PTTG1: variants seen among roughly 807,000 people sequenced by gnomAD.
PTTG1 encodes securin.
A neutral mutation model predicts 20.0 loss-of-function variants in PTTG1; 8 were observed. The ratio of observed to expected loss-of-function variants is 0.40; its 90% CI spans 0.23 to 0.72. The LOEUF (loss-of-function observed/expected upper bound fraction) is 0.72, where lower values mean the gene tolerates loss of function less well. PTTG1 is among the 30% of genes least tolerant of loss of function. PTTG1 has a pLI of 0.38. For synonymous variants in PTTG1, 79 were observed against 87.2 expected (o/e 0.91, Z 0.52); for missense variants, 197 against 236.0 (o/e 0.83, Z 1.08).
Position 160,422,952 on chromosome 5 carries a change from G to A in PTTG1, c.276+59G>A, listed in dbSNP as rs1765744261. 21 of 1,545,544 alleles carry A rather than the reference G, an allele frequency of 1.4e-5. 1 individual carries two copies. The South Asian group carries it at 2.4e-4, about 18-fold the overall frequency. On this transcript the variant is annotated intron_variant, in intron 3 of 5. Coordinates refer to ENST00000352433, the MANE Select transcript of PTTG1 (RefSeq NM_004219.4). ...CTTAAGCACTTTTGACTCTTAAAAT[G>A]ACTATTGGCATCATCCTACGTAGCT...
intron 3 of PTTG1, among the ~76,000 whole-genome samples, chr5:160,423,620 C>T (rs573750907): frequency 6.6e-6 from 1 of 152,236 alleles, no homozygotes; most frequent in South Asian, 2.1e-4. Context: ...AGACACAGAA[C>T]CGAAGTGTGA....
At chr5:160,428,246 C>T (rs575080873) in intron 5 of PTTG1, among the ~76,000 whole-genome samples, 1 of 152,310 alleles carries the variant, frequency 6.6e-6, no homozygotes, top group South Asian at 2.1e-4. Context: ...ACAATAACTT[C>T]TTACTGCAGA....
At chr5:160,428,001 A>C in intron 5 of PTTG1, 128 bp downstream of exon 5, 2 of 1,191,840 alleles carry the variant, frequency 1.7e-6, no homozygotes, top group South Asian at 1.5e-5. Context: ...GACAAGGATT[A>C]GTTTTCAGAA....
intron 5 of PTTG1, among the ~76,000 whole-genome samples, 154 bp downstream of exon 5, chr5:160,428,027 G>A (rs569657791): frequency 2.6e-5 from 4 of 152,274 alleles, no homozygotes; most frequent in Admixed American, 6.5e-5. Context: ...AACTATTCTC[G>A]ATTAATATTG....
chr5:160,424,138 T>C, intron 3 of PTTG1, 99 bp from the exon 4 acceptor site: 7 of 794,678 alleles, frequency 8.8e-6, no homozygotes. Context: ...CTAAGGATTA[T>C]GGCTTCTTAG....
In PTTG1 at chr5:160,422,641, T is replaced by C. The variant is rs1271631528; in HGVS notation, c.92-68T>C. The C allele has an allele frequency of 7.6e-6, 12 of 1,569,310 alleles. No homozygotes were observed. In the East Asian group the frequency reaches 2.7e-4, roughly 35 times the overall value. Reference sequence around the variant, plus strand: ...TTGGGGGTGAGAGGTCAAGTTTATATACACAGTATTTAAGTTGTACAGGTA... The same window carrying C: ...TTGGGGGTGAGAGGTCAAGTTTATACACACAGTATTTAAGTTGTACAGGTA... On this transcript the variant is annotated intron_variant, in intron 2 of 5. Coordinates refer to ENST00000352433, the MANE Select transcript of PTTG1 (RefSeq NM_004219.4).
intron 4 of PTTG1, chr5:160,424,543 C>T (rs1448694305): frequency 4.2e-6 from 2 of 471,010 alleles, no homozygotes; most frequent in East Asian, 7.4e-5. Context: ...ATGTAGAAGA[C>T]ATTGTTCCTG....
At chr5:160,422,239 A>C in intron 1 of PTTG1, 63 bp from the exon 2 acceptor site, 1 of 1,199,050 alleles carries the variant, frequency 8.3e-7, no homozygotes, top group Non-Finnish European at 1.2e-6. Flanking sequence ...AAAGTTTGGT[A>C]TGTTGCTATA....
Position 160,423,666 on chromosome 5 carries a change from G to A in PTTG1, c.277-571G>A, listed in dbSNP as rs1399553412. ...GGGAATTCTAGGCATGCATATGTGAGGTGAGATAAAGCAGGAACATGCCGG... is the reference window on the plus strand; with the variant it reads ...GGGAATTCTAGGCATGCATATGTGAAGTGAGATAAAGCAGGAACATGCCGG... On this transcript the variant is annotated intron_variant, in intron 3 of 5. Transcript: ENST00000352433. Among the ~76,000 whole-genome samples the A allele has an allele frequency of 4.6e-5, 7 of 151,988 alleles. No homozygotes were observed. In the Admixed American group the frequency reaches 4.6e-4, roughly 10 times the overall value.
At position 160,422,730 on chromosome 5, in the gene PTTG1, G is replaced by T; in HGVS notation, c.113G>T (p.Arg38Ile). 6.2e-7 allele frequency: 1 copy of T among 1,614,066 alleles called. No individual in the cohort carries two copies. The highest frequency in any genetic ancestry group is 8.5e-7 in the Non-Finnish European group (1 of 1,180,002). The change falls in exon 3 of 6, where the codon AGA (arginine) becomes ATA (isoleucine). Residue 38 changes from arginine (R) to isoleucine (I), a missense_variant. Coordinates refer to ENST00000352433, the MANE Select transcript of PTTG1 (RefSeq NM_004219.4). Reference protein sequence around the residue: ...SGPSIKALDGRSQVSTPRFGK... With the variant: ...SGPSIKALDGISQVSTPRFGK... Reference sequence around the variant, plus strand: ...TCAGCAATCAAAGCCTTAGATGGGAGATCTCAAGTTTCAACACCACGTTTT... The same window carrying T: ...TCAGCAATCAAAGCCTTAGATGGGATATCTCAAGTTTCAACACCACGTTTT...
chr5:160,422,818 C>G lies in PTTG1; in HGVS notation c.201C>G (p.Val67=), dbSNP rs765285612. 6.2e-7 allele frequency: 1 copy of G among 1,614,166 alleles called. No individual in the cohort carries two copies. Among genetic ancestry groups the G allele is most frequent in the South Asian group, 1.1e-5 (1 of 91,074 alleles). The change falls in exon 3 of 6, where the codon GTC becomes GTG. Residue 67 remains valine (V), a synonymous_variant. Transcript: ENST00000352433. ...PKATRKALGT[V]NRATEKSVKT... ...CTACTAGAAAGGCTTTGGGAACTGT[C>G]AACAGAGCTACAGAAAAGTCTGTAA...
intron 4 of PTTG1, chr5:160,424,557 G>A (rs1765774996): frequency 2.3e-6 from 1 of 432,818 alleles, no homozygotes. Context: ...GTTCCTGTCT[G>A]TAAAAGCTTA....
At chr5:160,426,989 C>T (rs777315670) in intron 4 of PTTG1, among the ~76,000 whole-genome samples, 28 of 152,082 alleles carry the variant, frequency 1.8e-4, no homozygotes, top group South Asian at 1.7e-3. Context: ...TTGCAGTGAA[C>T]GGAGATTGTG....
At position 160,427,740 on chromosome 5, in the gene PTTG1, A is replaced by G; in HGVS notation, c.396A>G (p.Glu132=). The G allele has an allele frequency of 1.2e-6, 2 of 1,614,136 alleles. No homozygotes were observed. The highest frequency in any genetic ancestry group is 1.3e-5 in the African/African-American group (1 of 75,048). ...ACTTTGAGAGTTTTGACCTGCCTGAAGAGCACCAGATTGCGCACCTCCCCT... is the reference window on the plus strand; with the variant it reads ...ACTTTGAGAGTTTTGACCTGCCTGAGGAGCACCAGATTGCGCACCTCCCCT... ...PLDFESFDLP[E]EHQIAHLPLS... is the part of the protein sequence containing the mutation. The change falls in exon 5 of 6, where the codon GAA becomes GAG. Residue 132 remains glutamate, a synonymous_variant. Transcript: ENST00000352433.
At chr5:160,422,184 T>TC (rs1415027392) in intron 1 of PTTG1, 118 bp from the exon 2 acceptor site, 2 of 700,472 alleles carry the variant, frequency 2.9e-6, no homozygotes, top group Non-Finnish European at 5.0e-6. Flanking sequence ...CCGTGACTGT[T>TC]CCGCTGTTTA....
intron 4 of PTTG1, 140 bp from the exon 5 acceptor site, chr5:160,427,571 TCAAC>T (rs1472962364): frequency 3.3e-5 from 31 of 936,278 alleles, no homozygotes; most frequent in Non-Finnish European, 4.9e-5. Context: ...ATTACAAATG[TCAAC>T]CCAGTGGAAA....
chr5:160,423,020 A>T (rs1765745667), intron 3 of PTTG1, 127 bp downstream of exon 3: 1 of 950,716 alleles, frequency 1.1e-6, no homozygotes. Flanking sequence ...TAGCAAGCAG[A>T]GTAGTGGAGG....
chr5:160,422,921 T>C, intron 3 of PTTG1, 28 bp downstream of exon 3: 1 of 1,607,848 alleles, frequency 6.2e-7, no homozygotes, highest in South Asian at 1.1e-5. Flanking sequence ...AGACACTGTT[T>C]AAACACTTAA....
chr5:160,424,539 A>G (rs1283028323), intron 4 of PTTG1: 1 of 488,676 alleles, frequency 2.0e-6, no homozygotes, highest in Non-Finnish European at 3.6e-6. Flanking sequence ...AAAGATGTAG[A>G]AGACATTGTT....
Sources: allele counts gnomAD v4.1 joint callset (sites outside exome capture counted in the v4.1 genomes callset), GRCh38; gene constraint gnomAD v4.1.1; transcripts MANE v1.5; gene names NCBI Gene and HGNC (gene_info 2026-07-23, HGNC 2026-07-21).